Variants in CNTN5 observed in about 807,000 individuals in gnomAD.
The protein encoded by CNTN5 is contactin 5, also known as contactin-5.
CNTN5 carries 77 observed loss-of-function variants against 129.1 expected under a neutral mutation model. That is an observed-to-expected ratio of 0.60 (90% CI 0.50 to 0.72). CNTN5 has a LOEUF of 0.72. Ranked by LOEUF, CNTN5 falls within the 30% of genes least tolerant of loss-of-function variation. The pLI, the probability that CNTN5 is intolerant of heterozygous loss-of-function variation, is 0.00. For synonymous variants in CNTN5, 509 were observed against 465.6 expected (o/e 1.09, Z -1.20); for missense variants, 1,478 against 1,328.8 (o/e 1.11, Z -1.75).
At chr11:99,590,121 G>T (rs1344831472) in intron 3 of CNTN5, among the ~76,000 whole-genome samples, 4 of 152,102 alleles carry the variant, frequency 2.6e-5, no homozygotes, top group African/African-American at 9.7e-5. Flanking sequence ...CTCTATGTAA[G>T]CGGAAGAGAA....
rs868578450 is a variant in CNTN5 at position 100,267,581 on chromosome 11, G to A, written c.2165-3511G>A. ...TTAGCTATCCCAATATCTAGGGGAAGGCAGCCCAGGTATAAGGAGCAACTA... is the reference window on the plus strand; with the variant it reads ...TTAGCTATCCCAATATCTAGGGGAAAGCAGCCCAGGTATAAGGAGCAACTA... On this transcript the variant is annotated intron_variant, in intron 17 of 24. Transcript: ENST00000524871. 2.0e-5 allele frequency among the ~76,000 whole-genome samples: 3 copies of A among 152,126 alleles called. No individual in the cohort carries two copies. In the Middle Eastern group the frequency reaches 0.01, roughly 517 times the overall value.
At chr11:99,069,972 G>A (rs565888529) in intron 1 of CNTN5, among the ~76,000 whole-genome samples, 45 of 152,260 alleles carry the variant, frequency 3.0e-4, no homozygotes, top group African/African-American at 8.2e-4. Flanking sequence ...AGGGGACAGA[G>A]CTCCCTCTTC....
chr11:100,153,457 T>A (rs1947132869), intron 13 of CNTN5, among the ~76,000 whole-genome samples: 1 of 152,124 alleles, frequency 6.6e-6, no homozygotes. Context: ...ACGCTTATTA[T>A]GTTCTTGCCC....
At chr11:100,325,380 A>C (rs1459370548) in intron 21 of CNTN5, among the ~76,000 whole-genome samples, 1 of 152,172 alleles carries the variant, frequency 6.6e-6, no homozygotes. Context: ...AGCATGTAAA[A>C]CCAACTTTCC....
chr11:99,215,406 A>G (rs1860064838), intron 1 of CNTN5, among the ~76,000 whole-genome samples: 1 of 152,126 alleles, frequency 6.6e-6, no homozygotes, highest in Non-Finnish European at 1.5e-5. Flanking sequence ...CAAAGAAACA[A>G]ATAGATTTCG....
At chr11:99,258,329 C>T (rs1161061488) in intron 1 of CNTN5, among the ~76,000 whole-genome samples, 1 of 151,942 alleles carries the variant, frequency 6.6e-6, no homozygotes, top group African/African-American at 2.4e-5. Context: ...CCAGTGTTTG[C>T]TGCTCCCTTC....
intron 2 of CNTN5, among the ~76,000 whole-genome samples, chr11:99,327,519 G>T (rs1473806449): frequency 6.6e-6 from 1 of 152,170 alleles, no homozygotes; most frequent in African/African-American, 2.4e-5. Context: ...GCAGAGCAAA[G>T]TGCACTCTTA....
At chr11:99,772,071 ATTTTT>A (rs5794020) in intron 3 of CNTN5, among the ~76,000 whole-genome samples, 1 of 148,590 alleles carries the variant, frequency 6.7e-6, no homozygotes, top group African/African-American at 2.5e-5. Context: ...CTTCTGAGGT[ATTTTT>A]TTTTTTTTAT....
At chr11:99,665,185 C>T (rs1037520687) in intron 3 of CNTN5, among the ~76,000 whole-genome samples, 3 of 152,142 alleles carry the variant, frequency 2.0e-5, no homozygotes, top group Non-Finnish European at 4.4e-5. Flanking sequence ...GAAGTTAACA[C>T]AGCAGCAGAT....
chr11:99,059,489 T>C (rs1565283923), intron 1 of CNTN5, among the ~76,000 whole-genome samples: 1 of 152,126 alleles, frequency 6.6e-6, no homozygotes, highest in East Asian at 1.9e-4. Flanking sequence ...TGGCAAATAC[T>C]TCCCTTTAGT....
intron 13 of CNTN5, among the ~76,000 whole-genome samples, chr11:100,105,053 T>C (rs1158083831): frequency 1.3e-5 from 2 of 152,172 alleles, no homozygotes; most frequent in Non-Finnish European, 1.5e-5. Flanking sequence ...GATTTCACCA[T>C]ATATCCTCCG....
chr11:99,959,966 T>C (rs1003999825), intron 8 of CNTN5, among the ~76,000 whole-genome samples: 2 of 152,044 alleles, frequency 1.3e-5, no homozygotes, highest in East Asian at 1.9e-4. Context: ...TGTAGTGACA[T>C]AGAAAAACAA....
rs181736529 is a variant in CNTN5, at chr11:99,101,076, G to A, written c.-210+79806G>A. Among the ~76,000 whole-genome samples the A allele has an allele frequency of 4.9e-3, 744 of 152,278 alleles. 6 individuals are homozygous for A. Among genetic ancestry groups the A allele is most frequent in the Non-Finnish European group, 8.0e-3 (546 of 68,018 alleles). On this transcript the variant is annotated intron_variant, in intron 1 of 24. Transcript: ENST00000524871. ...AGGACTCACAATGATAGTGGAAGGC[G>A]AAAGGCACATGTTACATGGTGGCAG...
At chr11:99,764,439 G>C (rs1944686340) in intron 3 of CNTN5, among the ~76,000 whole-genome samples, 1 of 151,922 alleles carries the variant, frequency 6.6e-6, no homozygotes, top group African/African-American at 2.4e-5. Flanking sequence ...TTTTGAGATG[G>C]AGTTTCACTC....
At chr11:99,937,798 C>T (rs1950348329) in intron 7 of CNTN5, among the ~76,000 whole-genome samples, 1 of 152,118 alleles carries the variant, frequency 6.6e-6, no homozygotes, top group Non-Finnish European at 1.5e-5. Flanking sequence ...AGTGGAAAAC[C>T]GAGAGTCCTA....
chr11:99,384,539 T>G (rs1940802838), intron 2 of CNTN5, among the ~76,000 whole-genome samples: 1 of 152,162 alleles, frequency 6.6e-6, no homozygotes, highest in South Asian at 2.1e-4. Flanking sequence ...TGAGCAATGA[T>G]AAAACTGGTC....
intron 1 of CNTN5, among the ~76,000 whole-genome samples, chr11:99,265,959 A>G (rs1023247120): frequency 8.5e-5 from 13 of 152,104 alleles, no homozygotes; most frequent in African/African-American, 3.1e-4. Flanking sequence ...ACAGATACAT[A>G]AACAGATTGT....
intron 21 of CNTN5, among the ~76,000 whole-genome samples, chr11:100,331,189 T>C (rs1197779337): frequency 1.3e-5 from 2 of 152,114 alleles, no homozygotes; most frequent in Admixed American, 6.6e-5. Context: ...GATATTCTTA[T>C]ATCAGACAAA....
At chr11:99,543,251 G>T (rs953293070) in intron 2 of CNTN5, among the ~76,000 whole-genome samples, 8 of 152,122 alleles carry the variant, frequency 5.3e-5, no homozygotes, top group African/African-American at 1.4e-4. Flanking sequence ...TTCTGCAAAT[G>T]AACAATAGCA....
Sources: gnomAD v4.1 joint callset for allele counts (sites outside exome capture counted in the v4.1 genomes callset) on GRCh38, gnomAD v4.1.1 for gene constraint, MANE v1.5 for transcripts, NCBI Gene and HGNC (gene_info 2026-07-23, HGNC 2026-07-21) for gene names.